The following SLC38A12 variants were observed in gnomAD, a reference collection of about 807,000 sequenced individuals.
SLC38A12 encodes putative sodium-coupled neutral amino acid transporter 12.
chr17:74,830,495 C>T, the SLC38A12 span, among the ~76,000 whole-genome samples: 2 of 152,194 alleles, frequency 1.3e-5, no homozygotes, highest in Admixed American at 6.5e-5. Flanking sequence ...TGCTTCTCTT[C>T]GCTTCTCTTC....
chr17:74,836,530 G>A, the SLC38A12 span: 1 of 1,613,038 alleles, frequency 6.2e-7, no homozygotes, highest in Non-Finnish European at 8.5e-7. This position sits in a 1 kb window ranked among gnomAD's most constrained non-coding sequence, Gnocchi z 4.2. Context: ...GTGTACCACT[G>A]CCGCAGGGAC....
At chr17:74,817,420 G>T in the SLC38A12 span, among the ~76,000 whole-genome samples, 5 of 152,150 alleles carry the variant, frequency 3.3e-5, no homozygotes, top group Non-Finnish European at 7.4e-5. Context: ...TTCATTGCCA[G>T]TTCCCATGCT....
the SLC38A12 span, among the ~76,000 whole-genome samples, chr17:74,812,742 G>T: frequency 6.6e-6 from 1 of 152,312 alleles, no homozygotes. Flanking sequence ...TGCGTTTAAG[G>T]TAGCCCTATT....
chr17:74,817,039 A>G, the SLC38A12 span, among the ~76,000 whole-genome samples: 2 of 110,044 alleles, frequency 1.8e-5, no homozygotes, highest in Non-Finnish European at 3.6e-5. Context: ...CCAAGACCTC[A>G]GCGGCCACAC....
At chr17:74,778,451 C>A in the SLC38A12 span, among the ~76,000 whole-genome samples, 1 of 152,104 alleles carries the variant, frequency 6.6e-6, no homozygotes, top group Non-Finnish European at 1.5e-5. Flanking sequence ...GATCTCTGGT[C>A]TGTTTCTGCT....
chr17:74,786,647 G>A, the SLC38A12 span, among the ~76,000 whole-genome samples: 3 of 152,210 alleles, frequency 2.0e-5, no homozygotes, highest in Non-Finnish European at 4.4e-5. Context: ...GGGAGTGGGT[G>A]CGGGCGGAAG....
chr17:74,811,745 A>T, the SLC38A12 span, among the ~76,000 whole-genome samples: 1 of 151,012 alleles, frequency 6.6e-6, no homozygotes, highest in African/African-American at 2.4e-5. Flanking sequence ...AAAGAATAGT[A>T]TTGGGGCTAG....
At chr17:74,818,889 A>G in the SLC38A12 span, among the ~76,000 whole-genome samples, 1 of 151,716 alleles carries the variant, frequency 6.6e-6, no homozygotes, top group African/African-American at 2.4e-5. Context: ...CCTTCCCCAC[A>G]CTCCAGTCTC....
chr17:74,778,217 G>A, the SLC38A12 span, among the ~76,000 whole-genome samples: 1 of 152,176 alleles, frequency 6.6e-6, no homozygotes, highest in Non-Finnish European at 1.5e-5. Flanking sequence ...CAACACACAC[G>A]CAGTTTATCT....
chr17:74,800,959 C>G, the SLC38A12 span, among the ~76,000 whole-genome samples: 2 of 152,176 alleles, frequency 1.3e-5, no homozygotes, highest in African/African-American at 2.4e-5. Context: ...CAAGAGTGTC[C>G]CTTCCTGGGC....
chr17:74,826,028 G>A, the SLC38A12 span, among the ~76,000 whole-genome samples: 4 of 152,220 alleles, frequency 2.6e-5, no homozygotes, highest in African/African-American at 9.7e-5. Flanking sequence ...TGAGCAGCCT[G>A]CAGGAAAGGT....
chr17:74,785,460 A>G, the SLC38A12 span: 2 of 1,605,040 alleles, frequency 1.2e-6, no homozygotes, highest in Admixed American at 1.7e-5. Context: ...CCGGGCTTGA[A>G]TGTTGCCTCT....
the SLC38A12 span, among the ~76,000 whole-genome samples, chr17:74,782,917 G>A: frequency 6.6e-6 from 1 of 152,146 alleles, no homozygotes; most frequent in Non-Finnish European, 1.5e-5. Flanking sequence ...ATCATCTGAG[G>A]TCAGGGGTTC....
At chr17:74,807,607 C>A in the SLC38A12 span, among the ~76,000 whole-genome samples, 1 of 152,274 alleles carries the variant, frequency 6.6e-6, no homozygotes, top group Admixed American at 6.5e-5. Flanking sequence ...CAAGCTTCCC[C>A]TCCGCAAGTG....
At chr17:74,779,494 A>G in the SLC38A12 span, among the ~76,000 whole-genome samples, 1 of 152,224 alleles carries the variant, frequency 6.6e-6, no homozygotes, top group Non-Finnish European at 1.5e-5. Context: ...TGTAGTGGTC[A>G]GTGTTCTGAG....
At chr17:74,835,687 C>T in the SLC38A12 span, among the ~76,000 whole-genome samples, 1 of 152,310 alleles carries the variant, frequency 6.6e-6, no homozygotes, top group African/African-American at 2.4e-5. Context: ...GCAGCCCTGT[C>T]CCCACATACC....
chr17:74,802,304 G>A, the SLC38A12 span, among the ~76,000 whole-genome samples: 9,626 of 152,266 alleles, frequency 0.063, 415 homozygotes, highest in Non-Finnish European at 0.1. Context: ...TGCGCCAGTT[G>A]AGAGGATGAT....
At chr17:74,810,441 G>A in the SLC38A12 span, among the ~76,000 whole-genome samples, 149 of 152,348 alleles carry the variant, frequency 9.8e-4, 2 homozygotes, top group African/African-American at 3.4e-3. Context: ...CAAAAAGTGC[G>A]TTATGGCAGG....
the SLC38A12 span, among the ~76,000 whole-genome samples, chr17:74,815,393 C>G: frequency 3.9e-5 from 6 of 152,118 alleles, no homozygotes; most frequent in East Asian, 1.2e-3. Flanking sequence ...GGAGACTGTA[C>G]AAGGTGTTAA....
Sources: gnomAD v4.1 joint callset for allele counts (sites outside exome capture counted in the v4.1 genomes callset) on GRCh38, gnomAD v4.1.1 for gene constraint, Gnocchi (gnomAD v3.1) non-coding constraint, MANE v1.5 for transcripts, NCBI Gene and HGNC (gene_info 2026-07-23, HGNC 2026-07-21) for gene names.